CRYBG1: variants seen among roughly 807,000 people sequenced by gnomAD.
CRYBG1 encodes crystallin beta-gamma domain containing 1.
CRYBG1 carries 139 observed loss-of-function variants against 189.2 expected under a neutral mutation model. The observed-to-expected ratio is 0.73, with a 90% CI of 0.64 to 0.85. The LOEUF (loss-of-function observed/expected upper bound fraction) is 0.85, where lower values mean the gene tolerates loss of function less well. CRYBG1 is among the 40% of genes least tolerant of loss of function. The pLI is 0.00. For missense variants in CRYBG1, 2,611 were observed against 2,675.8 expected, an observed-to-expected ratio of 0.98 and a Z score of 0.53; for synonymous variants, 1,023 against 1,017.1, an observed-to-expected ratio of 1.01 and a Z score of -0.11.
intron 1 of CRYBG1, among the ~76,000 whole-genome samples, chr6:106,432,514 C>G (rs986170431): frequency 9.3e-6 from 1 of 107,366 alleles, no homozygotes; most frequent in African/African-American, 2.9e-5. Context: ...GTACCTACCC[C>G]CCAGGGAGTT....
chr6:106,426,278 C>T (rs1433120313), intron 1 of CRYBG1, among the ~76,000 whole-genome samples: 1 of 152,128 alleles, frequency 6.6e-6, no homozygotes, highest in East Asian at 1.9e-4. Flanking sequence ...TCCCTCCTTC[C>T]CAAGTCATTA....
At chr6:106,505,530 T>C (rs1773112735) in intron 2 of CRYBG1, among the ~76,000 whole-genome samples, 1 of 152,102 alleles carries the variant, frequency 6.6e-6, no homozygotes, top group Non-Finnish European at 1.5e-5. Flanking sequence ...TGCCTGGCCT[T>C]GTTTTTCTGT....
intron 4 of CRYBG1, among the ~76,000 whole-genome samples, chr6:106,522,957 G>A (rs1315953943): frequency 1.3e-5 from 2 of 152,130 alleles, no homozygotes; most frequent in African/African-American, 2.4e-5. Flanking sequence ...GAACCCCAAC[G>A]AGCTTTTGTT....
chr6:106,504,667 G>A (rs1008035459), intron 2 of CRYBG1, among the ~76,000 whole-genome samples: 4 of 106,472 alleles, frequency 3.8e-5, no homozygotes, highest in Non-Finnish European at 6.1e-5. Context: ...GTGTGTATAT[G>A]TGTGTGTGTG....
chr6:106,424,501 A>T (rs1379233352), intron 1 of CRYBG1, among the ~76,000 whole-genome samples: 1 of 151,950 alleles, frequency 6.6e-6, no homozygotes, highest in Non-Finnish European at 1.5e-5. Context: ...TACTCTTGTC[A>T]CCCAGGCTGG....
rs769484678 is a variant in CRYBG1 at position 106,512,895 on chromosome 6, AC to A, written c.1780del (p.His594ThrfsTer29). 2.5e-6 allele frequency: 4 copies of A among 1,601,834 alleles called. No homozygotes were observed. In the Admixed American group the frequency reaches 5.1e-5, roughly 21 times the overall value. The part of the protein sequence containing the change: ...KPEHKRGPLP[N>X]HFNGRAEGGR... The stretch of plus-strand genomic sequence containing the variant: ...GAGCACAAGAGGGGCCCGCTCCCCA[AC>A]CACTTCAACGGCCGGGCAGAGGGAG... On this transcript the variant is annotated frameshift_variant, in exon 3 of 22. Coordinates refer to ENST00000633556, the MANE Select transcript of CRYBG1 (RefSeq NM_001371242.2). LOFTEE classifies it high-confidence loss of function.
rs143084633 is a variant in CRYBG1 at position 106,393,647 on chromosome 6, T to G, written c.173+32566T>G. Among the ~76,000 whole-genome samples, 299 of 151,950 alleles carry G rather than the reference T, an allele frequency of 2.0e-3. 1 individual carries two copies. The highest frequency in any genetic ancestry group is 6.8e-3 in the African/African-American group (284 of 41,496). ...TTTGTGGATTCATAAGGCTGTGTAA[T>G]AGCTCCTTACTCTGTTTCTTCGTTT... On this transcript the variant is annotated intron_variant, in intron 1 of 21. Coordinates refer to ENST00000633556, the MANE Select transcript of CRYBG1 (RefSeq NM_001371242.2).
chr6:106,512,698 C>A lies in CRYBG1; in HGVS notation c.1581C>A (p.Ala527=). ...GCCGTGCCCTCGAGGCCGTGCCCGC[C>A]CCGCCCGCCAGCGGCCCCCGGGCTC... ...GRSRALEAVP[A]PPASGPRAPA... Residue 527 remains alanine, a synonymous_variant, in exon 3 of 22, where the codon GCC becomes GCA. Transcript: ENST00000633556. The A allele has an allele frequency of 6.5e-7, 1 of 1,547,978 alleles. No homozygotes were observed. Among genetic ancestry groups the A allele is most frequent in the Non-Finnish European group, 8.7e-7 (1 of 1,146,878 alleles).
chr6:106,367,614 A>G (rs1439788955), intron 1 of CRYBG1, among the ~76,000 whole-genome samples: 1 of 150,404 alleles, frequency 6.6e-6, no homozygotes, highest in South Asian at 2.1e-4. Flanking sequence ...AATCAAATAC[A>G]TATATACTCC....
intron 2 of CRYBG1, among the ~76,000 whole-genome samples, chr6:106,457,474 C>T (rs1194826143): frequency 3.3e-5 from 5 of 152,182 alleles, no homozygotes; most frequent in Non-Finnish European, 7.3e-5. Context: ...GTTTAAATTT[C>T]CACATGAGTT....
chr6:106,459,934 T>C (rs1771970816), intron 2 of CRYBG1, among the ~76,000 whole-genome samples: 1 of 152,206 alleles, frequency 6.6e-6, no homozygotes, highest in Non-Finnish European at 1.5e-5. Context: ...TATATACTAA[T>C]ATTTTCATTT....
At chr6:106,530,075 A>T in intron 7 of CRYBG1, 101 bp from the exon 8 acceptor site, 1 of 1,116,116 alleles carries the variant, frequency 9.0e-7, no homozygotes, top group Non-Finnish European at 1.2e-6. Flanking sequence ...TTGTAAATTT[A>T]AAGCTCATTT....
intron 1 of CRYBG1, chr6:106,451,467 G>T: frequency 2.8e-6 from 1 of 355,062 alleles, no homozygotes. Flanking sequence ...TTCTGCATAG[G>T]ATTTAAAAGA....
At chr6:106,397,471 C>T (rs549037565) in intron 1 of CRYBG1, among the ~76,000 whole-genome samples, 29 of 152,236 alleles carry the variant, frequency 1.9e-4, no homozygotes, top group African/African-American at 6.7e-4. Flanking sequence ...TCAAATAAGA[C>T]AAACATGAAG....
At chr6:106,542,994 TTTTATTTTA>T (rs1313936958) in intron 10 of CRYBG1, among the ~76,000 whole-genome samples, 2 of 141,838 alleles carry the variant, frequency 1.4e-5, no homozygotes, top group African/African-American at 2.5e-5. Context: ...TTTTATTTTA[TTTTATTTTA>T]TTTATTTTAA....
At chr6:106,366,013 T>C (rs1771980801) in intron 1 of CRYBG1, among the ~76,000 whole-genome samples, 1 of 152,222 alleles carries the variant, frequency 6.6e-6, no homozygotes, top group African/African-American at 2.4e-5. Flanking sequence ...ACTCCCTGTT[T>C]ATATCACTAG....
chr6:106,495,838 C>T (rs1181556), intron 2 of CRYBG1, among the ~76,000 whole-genome samples: 5 of 138,004 alleles, frequency 3.6e-5, no homozygotes, highest in African/African-American at 1.3e-4. Flanking sequence ...AAAAAAAAAA[C>T]AACTTTCCCC....
chr6:106,445,137 T>C (rs2081680376), intron 1 of CRYBG1, among the ~76,000 whole-genome samples: 2 of 152,202 alleles, frequency 1.3e-5, no homozygotes, highest in Admixed American at 6.5e-5. Context: ...TCTATTACCA[T>C]TGGCAACAAG....
At chr6:106,394,088 T>A (rs1028426365) in intron 1 of CRYBG1, among the ~76,000 whole-genome samples, 1 of 152,218 alleles carries the variant, frequency 6.6e-6, no homozygotes, top group Non-Finnish European at 1.5e-5. Context: ...CCTAGAATAG[T>A]CTGTCACTTC....
Sources: allele counts gnomAD v4.1 joint callset (sites outside exome capture counted in the v4.1 genomes callset), GRCh38; gene constraint gnomAD v4.1.1; transcripts MANE v1.5; gene names NCBI Gene and HGNC (gene_info 2026-07-23, HGNC 2026-07-21).